ANO3: variants seen among roughly 807,000 people sequenced by gnomAD.
ANO3 encodes the protein anoctamin-3.
A neutral mutation model predicts 144.8 loss-of-function variants in ANO3; 99 were observed. That is an observed-to-expected ratio of 0.68 (90% CI 0.58 to 0.81). ANO3 has a LOEUF of 0.81. ANO3 is among the 30% of genes least tolerant of loss of function. ANO3 has a pLI of 0.00. For missense variants in ANO3, 905 were observed against 1,202.2 expected, an observed-to-expected ratio of 0.75 and a Z score of 3.66; for synonymous variants, 414 against 392.6, an observed-to-expected ratio of 1.05 and a Z score of -0.64.
chr11:26,602,591 T>TTC (rs1432947238), intron 17 of ANO3, among the ~76,000 whole-genome samples: 1 of 148,828 alleles, frequency 6.7e-6, no homozygotes, highest in Non-Finnish European at 1.5e-5. Context: ...TTCTTTTCTT[T>TTC]TTTTTTTTTT....
intron 8 of ANO3, among the ~76,000 whole-genome samples, chr11:26,533,191 T>G (rs1185082939): frequency 6.6e-6 from 1 of 152,114 alleles, no homozygotes; most frequent in Non-Finnish European, 1.5e-5. Context: ...GCACGTTTTG[T>G]AAGAGAGAGA....
chr11:26,624,388 C>T, intron 17 of ANO3, 74 bp from the exon 18 acceptor site: 1 of 1,052,518 alleles, frequency 9.5e-7, no homozygotes, highest in Non-Finnish European at 1.4e-6. Flanking sequence ...ATAGATGTTT[C>T]TTCAAATAGT....
intron 1 of ANO3, among the ~76,000 whole-genome samples, chr11:26,335,533 T>C (rs991170692): frequency 2.0e-5 from 3 of 152,192 alleles, no homozygotes; most frequent in Non-Finnish European, 4.4e-5. Context: ...TCAATTCATA[T>C]GTCCATCCCT....
At chr11:26,612,535 G>A (rs1416902426) in intron 17 of ANO3, among the ~76,000 whole-genome samples, 1 of 148,848 alleles carries the variant, frequency 6.7e-6, no homozygotes, top group East Asian at 2.0e-4. Flanking sequence ...AGTTTACATA[G>A]CACCGTTATT....
intron 1 of ANO3, among the ~76,000 whole-genome samples, chr11:26,190,535 G>C (rs73437600): frequency 0.023 from 3,482 of 151,994 alleles, 157 homozygotes; most frequent in African/African-American, 0.081. Flanking sequence ...CAGTAGACTT[G>C]GTTAGAAAAA....
At chr11:26,583,140 T>A (rs990968052) in intron 14 of ANO3, among the ~76,000 whole-genome samples, 1 of 152,234 alleles carries the variant, frequency 6.6e-6, no homozygotes, top group African/African-American at 2.4e-5. Flanking sequence ...AGAGGGACTC[T>A]GCTTCCAAGT....
At chr11:26,618,751 T>G (rs953610090) in intron 17 of ANO3, among the ~76,000 whole-genome samples, 3 of 152,184 alleles carry the variant, frequency 2.0e-5, no homozygotes, top group Non-Finnish European at 4.4e-5. Flanking sequence ...CAGGGAACTT[T>G]GCTCTTTTAT....
chr11:26,200,915 C>G (rs928105929), intron 1 of ANO3, among the ~76,000 whole-genome samples: 9 of 152,108 alleles, frequency 5.9e-5, no homozygotes, highest in African/African-American at 2.2e-4. Flanking sequence ...TAACACCCCT[C>G]CACAAAAATC....
At chr11:26,473,070 A>G (rs761520287) in intron 4 of ANO3, among the ~76,000 whole-genome samples, 11 of 152,002 alleles carry the variant, frequency 7.2e-5, no homozygotes, top group Non-Finnish European at 1.5e-4. Flanking sequence ...ATTTAAACCT[A>G]CATATTAGAG....
intron 4 of ANO3, among the ~76,000 whole-genome samples, chr11:26,501,324 T>A (rs1374285999): frequency 6.6e-6 from 1 of 152,204 alleles, no homozygotes; most frequent in Non-Finnish European, 1.5e-5. Flanking sequence ...TCCTGTGTCC[T>A]GCCTCAGCTG....
chr11:26,369,914 T>C (rs1856201700), intron 1 of ANO3, among the ~76,000 whole-genome samples: 1 of 152,140 alleles, frequency 6.6e-6, no homozygotes, highest in African/African-American at 2.4e-5. Flanking sequence ...CCCTGCTGAG[T>C]ATACAAAAAG....
At chr11:26,378,842 G>A (rs1856492950) in intron 1 of ANO3, among the ~76,000 whole-genome samples, 1 of 151,966 alleles carries the variant, frequency 6.6e-6, no homozygotes, top group Non-Finnish European at 1.5e-5. Context: ...TGCAGCATAT[G>A]ATGTAAGGTG....
At chr11:26,637,442 T>G (rs1468920474) in intron 20 of ANO3, among the ~76,000 whole-genome samples, 3 of 152,182 alleles carry the variant, frequency 2.0e-5, no homozygotes, top group Non-Finnish European at 4.4e-5. Flanking sequence ...AGCCTTTCAT[T>G]TCCACAGCAC....
At chr11:26,523,122 A>G (rs1024114089) in intron 6 of ANO3, among the ~76,000 whole-genome samples, 3 of 152,172 alleles carry the variant, frequency 2.0e-5, no homozygotes, top group Non-Finnish European at 4.4e-5. Flanking sequence ...AGAAATGAAG[A>G]AGGAACTTCC....
intron 17 of ANO3, among the ~76,000 whole-genome samples, chr11:26,621,703 C>T (rs905026990): frequency 1.3e-5 from 2 of 152,024 alleles, no homozygotes; most frequent in Non-Finnish European, 2.9e-5. Flanking sequence ...GAGATTATGT[C>T]TTTTTGATTC....
chr11:26,230,985 T>G (rs1852385231), intron 1 of ANO3, among the ~76,000 whole-genome samples: 1 of 151,268 alleles, frequency 6.6e-6, no homozygotes, highest in Admixed American at 6.6e-5. Context: ...TTCCAGTGAT[T>G]CTCCTGCCTC....
At chr11:26,394,921 T>A (rs1249297345) in intron 1 of ANO3, among the ~76,000 whole-genome samples, 2 of 152,138 alleles carry the variant, frequency 1.3e-5, no homozygotes, top group African/African-American at 4.8e-5. Context: ...TCAAACTTTC[T>A]ACATGGTTGT....
intron 1 of ANO3, among the ~76,000 whole-genome samples, chr11:26,253,591 AT>A (rs1852988967): frequency 6.6e-6 from 1 of 152,204 alleles, no homozygotes; most frequent in East Asian, 1.9e-4. Flanking sequence ...CACTGGATAC[AT>A]TTTGACAATT....
intron 1 of ANO3, among the ~76,000 whole-genome samples, chr11:26,251,171 G>A (rs180750441): frequency 6.6e-6 from 1 of 152,150 alleles, no homozygotes; most frequent in Admixed American, 6.5e-5. Context: ...TAAATTGGGG[G>A]ACTGTATTTA....
Sources: allele counts gnomAD v4.1 joint callset (sites outside exome capture counted in the v4.1 genomes callset), GRCh38; gene constraint gnomAD v4.1.1; transcripts MANE v1.5; gene names NCBI Gene and HGNC (gene_info 2026-07-23, HGNC 2026-07-21).